The following ANTXR1 variants were observed in gnomAD, a reference collection of about 807,000 sequenced individuals.
The protein encoded by ANTXR1 is anthrax toxin receptor 1.
ANTXR1 carries 19 observed loss-of-function variants against 78.1 expected under a neutral mutation model. The observed-to-expected ratio is 0.24, with a 90% CI of 0.17 to 0.36. ANTXR1 has a LOEUF of 0.36. Among genes scored for constraint, ANTXR1 ranks in the 10% least tolerant of loss-of-function variants. The probability of loss-of-function intolerance (pLI) is 1.00; values close to 1 mark genes in which losing one functional copy is unlikely to be tolerated. For synonymous variants in ANTXR1, 273 were observed against 260.5 expected (o/e 1.05, Z -0.46); for missense variants, 518 against 718.6 (o/e 0.72, Z 3.19).
intron 12 of ANTXR1, among the ~76,000 whole-genome samples, chr2:69,133,806 T>C (rs766756071): frequency 1.3e-5 from 2 of 152,208 alleles, no homozygotes; most frequent in African/African-American, 2.4e-5. Context: ...GCTGTAATTA[T>C]AGGTGATAGG....
intron 12 of ANTXR1, among the ~76,000 whole-genome samples, chr2:69,126,622 C>G (rs191942795): frequency 6.6e-6 from 1 of 152,114 alleles, no homozygotes; most frequent in Middle Eastern, 3.4e-3. Flanking sequence ...ACAGCCACTG[C>G]CCTTGAGACC....
At chr2:69,039,525 A>G (rs1669550015) in intron 1 of ANTXR1, among the ~76,000 whole-genome samples, 1 of 152,132 alleles carries the variant, frequency 6.6e-6, no homozygotes, top group South Asian at 2.1e-4. Flanking sequence ...TCACCAATTA[A>G]TTAATTATTA....
chr2:69,228,181 A>T (rs1675509702), intron 17 of ANTXR1, among the ~76,000 whole-genome samples: 1 of 152,242 alleles, frequency 6.6e-6, no homozygotes, highest in Non-Finnish European at 1.5e-5. Context: ...AGAGGCACAT[A>T]GGACAAGTAA....
intron 3 of ANTXR1, among the ~76,000 whole-genome samples, chr2:69,047,645 G>A (rs1391367292): frequency 6.6e-6 from 1 of 151,974 alleles, no homozygotes; most frequent in African/African-American, 2.4e-5. Flanking sequence ...GAGTTGGGGG[G>A]GGAAATTCTG....
At chr2:69,032,573 C>T (rs955246440) in intron 1 of ANTXR1, among the ~76,000 whole-genome samples, 2 of 152,180 alleles carry the variant, frequency 1.3e-5, no homozygotes, top group Non-Finnish European at 2.9e-5. Context: ...GGCTTCATCT[C>T]TGTGAATCTG....
At position 69,193,383 on chromosome 2, in the gene ANTXR1, G is replaced by A; in HGVS notation, c.1402G>A (p.Val468Met). 6.2e-7 allele frequency: 1 copy of A among 1,613,924 alleles called. No individual in the cohort carries two copies. The highest frequency in any genetic ancestry group is 8.5e-7 in the Non-Finnish European group (1 of 1,179,944). ...CCTACTGAGGAAAGGATATGATCGT[G>A]TGTCTGTGATGCGTCCACAGCCAGG... ...WVLLRKGYDR[V>M]SVMRPQPGDT... The change falls in exon 17 of 18, where the codon GTG becomes ATG. Residue 468 changes from valine (V) to methionine (M), a missense_variant. By Grantham distance (21) the Val-to-Met change is conservative (BLOSUM62 1). Around this residue, in one of 5 missense-constraint regions of ANTXR1, gnomAD observed 192 missense variants for 230.2 expected, o/e 0.83. Coordinates refer to ENST00000303714, the MANE Select transcript of ANTXR1 (RefSeq NM_032208.3).
intron 3 of ANTXR1, among the ~76,000 whole-genome samples, chr2:69,056,709 C>G (rs1670077584): frequency 6.6e-6 from 1 of 152,006 alleles, no homozygotes; most frequent in African/African-American, 2.4e-5. Flanking sequence ...GGGTTTTGCT[C>G]TGTTGCCCAG....
At chr2:69,210,043 G>A (rs1422880628) in intron 17 of ANTXR1, among the ~76,000 whole-genome samples, 2 of 152,204 alleles carry the variant, frequency 1.3e-5, no homozygotes, top group African/African-American at 4.8e-5. Flanking sequence ...GATGAGAGGC[G>A]ATGGTGGTAG....
chr2:69,158,818 G>A (rs1235731108), intron 13 of ANTXR1, among the ~76,000 whole-genome samples: 1 of 152,202 alleles, frequency 6.6e-6, no homozygotes, highest in Non-Finnish European at 1.5e-5. Flanking sequence ...TTAAATGCAT[G>A]TTCAACTTAT....
chr2:69,036,484 T>A (rs545996892), intron 1 of ANTXR1, among the ~76,000 whole-genome samples: 1 of 152,170 alleles, frequency 6.6e-6, no homozygotes, highest in Non-Finnish European at 1.5e-5. Flanking sequence ...TTCTTTCTAA[T>A]TTTTTTTGTA....
chr2:69,126,147 AG>A (rs1402013070), intron 12 of ANTXR1, among the ~76,000 whole-genome samples: 3 of 152,228 alleles, frequency 2.0e-5, no homozygotes, highest in Non-Finnish European at 2.9e-5. Flanking sequence ...ATAAAAGAAC[AG>A]GAAGCCAGTC....
rs114396722 is a variant in ANTXR1 at position 69,028,817 on chromosome 2, T to C, written c.153-11227T>C. On this transcript the variant is annotated intron_variant, in intron 1 of 17. Coordinates refer to ENST00000303714, the MANE Select transcript of ANTXR1 (RefSeq NM_032208.3). ...TCTGAATATTCAAATCCATTAGAAA[T>C]AATGACCACCACATTGAATATTGCA... Among the ~76,000 whole-genome samples, 615 of 152,252 alleles carry C rather than the reference T, an allele frequency of 4.0e-3. 1 individual carries two copies. Among genetic ancestry groups the C allele is most frequent in the Middle Eastern group, 6.8e-3 (2 of 294 alleles).
intron 16 of ANTXR1, among the ~76,000 whole-genome samples, chr2:69,184,593 G>C (rs1157389753): frequency 1.3e-5 from 2 of 152,208 alleles, no homozygotes; most frequent in East Asian, 3.8e-4. Flanking sequence ...TGGACACTGA[G>C]AGAACATTAA....
intron 17 of ANTXR1, among the ~76,000 whole-genome samples, chr2:69,209,881 G>A (rs1269144628): frequency 2.0e-5 from 3 of 152,214 alleles, no homozygotes; most frequent in African/African-American, 7.2e-5. Flanking sequence ...GGGCTTAGCA[G>A]GGGGGAGACA....
Position 69,085,414 on chromosome 2 carries a change from A to G in ANTXR1, c.643-5445A>G, listed in dbSNP as rs1007238225. ...CTCTTGGGAAGGCAGCAAGTCCCCA[A>G]AGATGGTGGTACTTAATCAGACGAG... On this transcript the variant is annotated intron_variant, in intron 8 of 17. Transcript: ENST00000303714. Among the ~76,000 whole-genome samples the G allele has an allele frequency of 5.9e-5, 9 of 152,312 alleles. No individual in the cohort carries two copies. The South Asian group carries it at 1.5e-3, about 25-fold the overall frequency.
At chr2:69,132,779 G>A (rs1232476168) in intron 12 of ANTXR1, among the ~76,000 whole-genome samples, 1 of 152,190 alleles carries the variant, frequency 6.6e-6, no homozygotes, top group Non-Finnish European at 1.5e-5. Context: ...GTAGCAAATG[G>A]AGCCAATGAT....
chr2:69,207,993 C>G (rs1674949818), intron 17 of ANTXR1, among the ~76,000 whole-genome samples: 1 of 152,048 alleles, frequency 6.6e-6, no homozygotes, highest in Non-Finnish European at 1.5e-5. Context: ...CAAAGACATT[C>G]AAAGGTAGGC....
Position 69,183,388 on chromosome 2 carries a change from G to A in ANTXR1, c.1353+728G>A, listed in dbSNP as rs184061783. On this transcript the variant is annotated intron_variant, in intron 16 of 17. Coordinates refer to ENST00000303714, the MANE Select transcript of ANTXR1 (RefSeq NM_032208.3). ...TGGAGGCAGTTAATGTTTCCTAAAG[G>A]CCTCTTTTTTATTTTCTATTTATTT... 1.5e-3 allele frequency among the ~76,000 whole-genome samples: 235 copies of A among 151,704 alleles called. 1 individual carries two copies. Among genetic ancestry groups the A allele is most frequent in the Admixed American group, 4.8e-3 (73 of 15,214 alleles).
At position 69,172,473 on chromosome 2, in the gene ANTXR1, G is replaced by A. The variant is rs910618058; in HGVS notation, c.1089+2184G>A. ...TTTATACAATGCTCTGAAAATCATA[G>A]TCTCAATCTAGACAGTCTTTTCCTC... On this transcript the variant is annotated intron_variant, in intron 14 of 17. Coordinates refer to ENST00000303714, the MANE Select transcript of ANTXR1 (RefSeq NM_032208.3). 6 of 1,537,344 alleles carry A rather than the reference G, an allele frequency of 3.9e-6. No individual in the cohort carries two copies. The African/African-American group carries it at 5.5e-5, about 14-fold the overall frequency.
Sources: allele counts gnomAD v4.1 joint callset (sites outside exome capture counted in the v4.1 genomes callset), GRCh38; gene constraint gnomAD v4.1.1; regional missense constraint gnomAD v4.1.1; transcripts MANE v1.5; gene names NCBI Gene and HGNC (gene_info 2026-07-23, HGNC 2026-07-21).